The following QTGAL variants were observed in gnomAD, a reference collection of about 807,000 sequenced individuals.
QTGAL encodes the protein BGnT-like protein 1.
the QTGAL span, among the ~76,000 whole-genome samples, chr17:83,026,908 AGAGGAG>A: frequency 1.4e-5 from 2 of 147,460 alleles, no homozygotes; most frequent in African/African-American, 2.5e-5. Flanking sequence ...ACAGACACAC[AGAGGAG>A]GGCAGGGAGC....
the QTGAL span, among the ~76,000 whole-genome samples, chr17:83,007,551 T>C: frequency 1.3e-5 from 2 of 151,202 alleles, no homozygotes; most frequent in South Asian, 4.2e-4. Context: ...AGGCCAGCAC[T>C]GCCGGGTCCT....
chr17:82,949,233 T>C, the QTGAL span: 2 of 152,136 alleles, frequency 1.3e-5, no homozygotes, highest in African/African-American at 4.8e-5. Flanking sequence ...ACCCAGAAAT[T>C]TTTAGAATTT....
chr17:83,005,168 C>A, the QTGAL span: 6 of 1,610,762 alleles, frequency 3.7e-6, no homozygotes, highest in Non-Finnish European at 5.1e-6. This position sits in a 1 kb window ranked among gnomAD's most constrained non-coding sequence, Gnocchi z 5.6. Context: ...GTGTATCGTT[C>A]GGTGGAGTTA....
At chr17:83,021,907 G>C in the QTGAL span, among the ~76,000 whole-genome samples, 1 of 152,104 alleles carries the variant, frequency 6.6e-6, no homozygotes, top group Non-Finnish European at 1.5e-5. Context: ...ATAGATCCAC[G>C]CTTTTTTGGA....
At chr17:82,973,501 C>T in the QTGAL span, among the ~76,000 whole-genome samples, 3,561 of 151,932 alleles carry the variant, frequency 0.023, 139 homozygotes, top group African/African-American at 0.077. Context: ...AGATGAAAAG[C>T]TTTTTCCAGC....
At chr17:82,994,843 G>T in the QTGAL span, among the ~76,000 whole-genome samples, 3 of 152,158 alleles carry the variant, frequency 2.0e-5, no homozygotes, top group African/African-American at 7.2e-5. Context: ...CATTCATCAC[G>T]ACCAAGTGGG....
the QTGAL span, among the ~76,000 whole-genome samples, chr17:83,047,770 A>G: frequency 2.0e-5 from 3 of 148,522 alleles, no homozygotes; most frequent in African/African-American, 7.4e-5. Flanking sequence ...AAAGAATAAG[A>G]AATTTAGGTC....
chr17:83,000,877 A>G, the QTGAL span, among the ~76,000 whole-genome samples: 1 of 152,354 alleles, frequency 6.6e-6, no homozygotes, highest in African/African-American at 2.4e-5. Context: ...CACACAGCAC[A>G]TGACTGCATT....
the QTGAL span, among the ~76,000 whole-genome samples, chr17:83,002,202 A>G: frequency 6.6e-6 from 1 of 152,166 alleles, no homozygotes; most frequent in South Asian, 2.1e-4. Context: ...TTCTATGGGC[A>G]TCAAAGCTAA....
the QTGAL span, among the ~76,000 whole-genome samples, chr17:82,970,566 C>A: frequency 7.5e-6 from 1 of 134,086 alleles, no homozygotes; most frequent in African/African-American, 3.5e-5. Context: ...GCCGCGACCT[C>A]CGCACCCGGC....
At chr17:82,974,702 G>A in the QTGAL span, among the ~76,000 whole-genome samples, 1 of 152,200 alleles carries the variant, frequency 6.6e-6, no homozygotes, top group African/African-American at 2.4e-5. Flanking sequence ...CAAGGCTGAG[G>A]GTGTGGGGGG....
chr17:83,011,639 C>T, the QTGAL span: 91 of 152,308 alleles, frequency 6.0e-4, no homozygotes, highest in African/African-American at 2.1e-3. Flanking sequence ...AGAGCTTCGA[C>T]GTGGAGAAAC....
At chr17:82,956,758 C>A in the QTGAL span, 1 of 1,582,816 alleles carries the variant, frequency 6.3e-7, no homozygotes, top group Non-Finnish European at 8.6e-7. The surrounding 1 kb of genome is among the most constrained non-coding windows in gnomAD (Gnocchi z 5.7). Context: ...GGATTCGGGG[C>A]TTGGGTCTTT....
the QTGAL span, among the ~76,000 whole-genome samples, chr17:83,022,335 A>C: frequency 1.5e-5 from 2 of 132,556 alleles, no homozygotes; most frequent in African/African-American, 2.9e-5. Flanking sequence ...TCCCCGGCCC[A>C]CCTGCACCAG....
the QTGAL span, among the ~76,000 whole-genome samples, chr17:82,965,330 T>TGGGAAGCCAGAA: frequency 6.6e-6 from 1 of 152,170 alleles, no homozygotes. Flanking sequence ...GAGACAGCTC[T>TGGGAAGCCAGAA]GCCAAAAGCT....
At chr17:82,969,404 T>TC in the QTGAL span, among the ~76,000 whole-genome samples, 2 of 152,232 alleles carry the variant, frequency 1.3e-5, no homozygotes, top group Non-Finnish European at 2.9e-5. Flanking sequence ...GGACAGGGTT[T>TC]CGCTACGTTG....
At chr17:82,949,989 T>C in the QTGAL span, 1 of 152,184 alleles carries the variant, frequency 6.6e-6, no homozygotes, top group Non-Finnish European at 1.5e-5. Context: ...TTTGCTAATA[T>C]GGCTCAAATA....
At chr17:83,033,915 G>A in the QTGAL span, among the ~76,000 whole-genome samples, 2 of 151,980 alleles carry the variant, frequency 1.3e-5, no homozygotes, top group African/African-American at 4.8e-5. Flanking sequence ...TCTGTCCTCT[G>A]CCTACTTATC....
At chr17:82,957,565 A>G in the QTGAL span, 1 of 1,508,868 alleles carries the variant, frequency 6.6e-7, no homozygotes, top group Admixed American at 2.1e-5. Flanking sequence ...ACATACAGGG[A>G]CATGATGTGT....
Sources: allele counts gnomAD v4.1 joint callset (sites outside exome capture counted in the v4.1 genomes callset), GRCh38; gene constraint gnomAD v4.1.1; non-coding constraint Gnocchi (gnomAD v3.1); transcripts MANE v1.5; gene names NCBI Gene and HGNC (gene_info 2026-07-23, HGNC 2026-07-21).